PSMG2: variants seen among roughly 807,000 people sequenced by gnomAD.
The protein encoded by PSMG2 is CD40 ligand-activated specific transcript 3.
A neutral mutation model predicts 31.5 loss-of-function variants in PSMG2; 21 were observed. The observed-to-expected ratio is 0.67, with a 90% CI of 0.47 to 0.96. The LOEUF (loss-of-function observed/expected upper bound fraction) is 0.96. PSMG2 is among the 40% of genes least tolerant of loss of function. The pLI is 0.00. For missense variants in PSMG2, 318 were observed against 321.2 expected (o/e 0.99, Z 0.08); for synonymous variants, 120 against 110.4 (o/e 1.09, Z -0.54).
chr18:12,680,256 C>CT (rs1489925472), intron 1 of PSMG2, among the ~76,000 whole-genome samples: 2 of 152,022 alleles, frequency 1.3e-5, no homozygotes, highest in African/African-American at 2.4e-5. Flanking sequence ...CAACACGTAC[C>CT]TTCAAGTACC....
chr18:12,702,860 C>T (rs1048415292), upstream of PSMG2: 8 of 571,736 alleles, frequency 1.4e-5, no homozygotes, highest in East Asian at 2.6e-4. Context: ...GAGACCTCAG[C>T]GCACCCCATC....
chr18:12,705,541 GAA>G (rs2040256573), intron 1 of PSMG2, among the ~76,000 whole-genome samples: 5 of 110,682 alleles, frequency 4.5e-5, no homozygotes, highest in South Asian at 2.8e-4. Context: ...TAAGTCATGG[GAA>G]AAAGAGAGAG....
intron 1 of PSMG2, chr18:12,673,248 G>A (rs1184518254): frequency 2.7e-5 from 39 of 1,435,794 alleles, no homozygotes; most frequent in Non-Finnish European, 3.5e-5. Context: ...CAAAATTGAA[G>A]TATGCCATTC....
chr18:12,702,086 AC>A (rs753901888), upstream of PSMG2, among the ~76,000 whole-genome samples: 4 of 152,330 alleles, frequency 2.6e-5, no homozygotes, highest in African/African-American at 9.6e-5. Flanking sequence ...AGATCGTGCC[AC>A]TGCACTCCAG....
chr18:12,665,771 T>C lies in PSMG2; in HGVS notation c.-37+6998T>C, dbSNP rs1021110537. Among the ~76,000 whole-genome samples the C allele has an allele frequency of 3.3e-5, 5 of 152,146 alleles. No homozygotes were observed. The East Asian group carries it at 5.8e-4, about 18-fold the overall frequency. On this transcript the variant is annotated intron_variant, in intron 1 of 6. Coordinates refer to the PSMG2 transcript ENST00000585331. ...GGAGTGCATTGGCACAATCTCTGCTTACTGCAACCTCTGCCTCCCAGGCTC... is the reference window on the plus strand; with the variant it reads ...GGAGTGCATTGGCACAATCTCTGCTCACTGCAACCTCTGCCTCCCAGGCTC...
intron 1 of PSMG2, chr18:12,697,119 C>G: frequency 1.2e-6 from 1 of 803,562 alleles, no homozygotes; most frequent in Non-Finnish European, 1.9e-6. Flanking sequence ...TTCTATTTTA[C>G]AGGTTTCCCT....
At chr18:12,708,997 G>A (rs1291992820) in intron 2 of PSMG2, among the ~76,000 whole-genome samples, 1 of 150,736 alleles carries the variant, frequency 6.6e-6, no homozygotes, top group Non-Finnish European at 1.5e-5. Flanking sequence ...CAGGTGTGAG[G>A]AGCAACTGCG....
chr18:12,696,841 C>T (rs2039975211), intron 1 of PSMG2, among the ~76,000 whole-genome samples: 1 of 152,166 alleles, frequency 6.6e-6, no homozygotes, highest in Admixed American at 6.5e-5. Flanking sequence ...GCAAGAATCA[C>T]TGGTACCAAA....
intron 1 of PSMG2, among the ~76,000 whole-genome samples, chr18:12,694,708 CTT>C (rs1397325257): frequency 1.4e-5 from 2 of 144,416 alleles, no homozygotes. Context: ...TCCTGTAATT[CTT>C]TTTTTTTTTT....
At chr18:12,706,928 T>C (rs967241712) in intron 2 of PSMG2, among the ~76,000 whole-genome samples, 6 of 152,030 alleles carry the variant, frequency 3.9e-5, no homozygotes, top group African/African-American at 1.2e-4. Context: ...CTTACGAAGG[T>C]TGAGAATAAG....
At chr18:12,677,188 C>T (rs2039166495) in intron 1 of PSMG2, among the ~76,000 whole-genome samples, 1 of 152,090 alleles carries the variant, frequency 6.6e-6, no homozygotes, top group Non-Finnish European at 1.5e-5. Context: ...CGCAGTGGCT[C>T]ACAACTGTAA....
upstream of PSMG2, chr18:12,698,857 A>T (rs146436094): frequency 4.4e-4 from 310 of 699,262 alleles, 1 homozygote; most frequent in Middle Eastern, 8.2e-4. Flanking sequence ...GAGCAGTGGG[A>T]AACAAAATAG....
chr18:12,718,860 T>C lies in PSMG2; in HGVS notation c.407+225T>C, dbSNP rs147713178. ...GTTGGGGCATGGGGAAGACATCGTG[T>C]AGAGAGAGAGAGTTTGGGAACCATG... is the stretch of plus-strand genomic sequence containing the variant. On this transcript the variant is annotated intron_variant, in intron 4 of 6. Transcript: ENST00000317615. Among the ~76,000 whole-genome samples the C allele has an allele frequency of 2.6e-5, 4 of 152,016 alleles. No individual in the cohort carries two copies. The East Asian group carries it at 7.7e-4, about 29-fold the overall frequency.
rs2040399447 is a variant in PSMG2, at chr18:12,718,515, A to C, written c.289-2A>C. 2.5e-6 allele frequency: 4 copies of C among 1,587,038 alleles called. No individual in the cohort carries two copies. Among genetic ancestry groups the C allele is most frequent in the African/African-American group, 1.3e-5 (1 of 74,104 alleles). On this transcript the variant is annotated splice_acceptor_variant, in intron 3 of 6. Transcript: ENST00000317615. LOFTEE classifies it high-confidence loss of function. ...TTTTTATTCTCTCAATGGTGTGCAA[A>C]GTATAAATCAAAGCCATTCTGTGAA...
At chr18:12,685,877 C>G (rs900419079) in intron 1 of PSMG2, 1 of 157,198 alleles carries the variant, frequency 6.4e-6, no homozygotes, top group Non-Finnish European at 1.4e-5. Flanking sequence ...GGTGATCCAC[C>G]TGCCTCAGCC....
chr18:12,712,581 T>G, intron 2 of PSMG2, 121 bp from the exon 3 acceptor site: 2 of 706,106 alleles, frequency 2.8e-6, no homozygotes, highest in South Asian at 4.0e-5. Flanking sequence ...ATGTTCCGTA[T>G]TTTAATTATT....
chr18:12,695,238 A>T, intron 1 of PSMG2: 1 of 1,155,408 alleles, frequency 8.7e-7, no homozygotes, highest in Non-Finnish European at 1.2e-6. Context: ...AAAAAGAGAA[A>T]CTCATAAGTA....
At chr18:12,673,513 A>G (rs77719285) in intron 1 of PSMG2, 1 of 1,498,474 alleles carries the variant, frequency 6.7e-7, no homozygotes, top group Non-Finnish European at 9.0e-7. Context: ...TCTATTTAAG[A>G]AAAAAAAAAT....
intron 1 of PSMG2, among the ~76,000 whole-genome samples, chr18:12,680,033 G>A (rs1453439612): frequency 4.1e-4 from 60 of 147,052 alleles, no homozygotes; most frequent in Admixed American, 1.4e-3. Flanking sequence ...TCCAGCCTGA[G>A]CAACAGAATG....
Sources: gnomAD v4.1 joint callset for allele counts (sites outside exome capture counted in the v4.1 genomes callset) on GRCh38, gnomAD v4.1.1 for gene constraint, MANE v1.5 for transcripts, NCBI Gene and HGNC (gene_info 2026-07-23, HGNC 2026-07-21) for gene names.